Variants in EPHA10 observed in about 807,000 individuals in gnomAD.
EPHA10 encodes the protein EPH receptor A10, also known as ephrin type-A receptor 10.
EPHA10 carries 120 observed loss-of-function variants against 109.7 expected under a neutral mutation model. The observed-to-expected ratio is 1.09, with a 90% CI of 0.94 to 1.27. The LOEUF is 1.27. Ranked by LOEUF, EPHA10 falls within the 50% of genes most tolerant of loss-of-function variation. The pLI is 0.00. For missense variants in EPHA10, 1,396 were observed against 1,411.1 expected, an observed-to-expected ratio of 0.99 and a Z score of 0.17; for synonymous variants, 640 against 618.9, an observed-to-expected ratio of 1.03 and a Z score of -0.51.
chr1:37,742,724 GCCT>G (rs1447655795), intron 5 of EPHA10, among the ~76,000 whole-genome samples: 6 of 68,524 alleles, frequency 8.8e-5, no homozygotes, highest in African/African-American at 8.9e-5. Flanking sequence ...TGTGGCTCAT[GCCT>G]ATAATCCCAG....
intron 5 of EPHA10, among the ~76,000 whole-genome samples, chr1:37,740,581 G>A (rs919079615): frequency 3.3e-5 from 5 of 152,046 alleles, no homozygotes; most frequent in Admixed American, 1.3e-4. Context: ...CTGGGATTAC[G>A]GGCGTGAGCC....
intron 6 of EPHA10, among the ~76,000 whole-genome samples, chr1:37,732,193 C>A (rs1645994714): frequency 6.6e-6 from 1 of 152,186 alleles, no homozygotes; most frequent in Non-Finnish European, 1.5e-5. Flanking sequence ...CTGCATGAGA[C>A]CCTTTGCCTC....
chr1:37,754,236 G>A lies in EPHA10; in HGVS notation c.985C>T (p.Pro329Ser), dbSNP rs1327780610. The change falls in exon 4 of 17, where the codon CCG becomes TCG. Residue 329 changes from proline (P) to serine (S), a missense_variant. Physicochemically the swap from Pro to Ser is moderately conservative, Grantham distance 74. Transcript: ENST00000373048. The surrounding 1 kb of genome is among the most constrained non-coding windows in gnomAD (Gnocchi z 4.5). Reference protein sequence around the residue: ...QDSYARSPTDPPSASCTRPPS... With the variant: ...QDSYARSPTDSPSASCTRPPS... ...TCACGGGTGCAGGAAGCCGAGGGCGGGTCGGTGGGTGAGCGCGCATAGCTG... is the reference window on the plus strand; with the variant it reads ...TCACGGGTGCAGGAAGCCGAGGGCGAGTCGGTGGGTGAGCGCGCATAGCTG... The A allele has an allele frequency of 7.6e-7, 1 of 1,313,436 alleles. No homozygotes were observed. Among genetic ancestry groups the A allele is most frequent in the Non-Finnish European group, 9.8e-7 (1 of 1,025,176 alleles). The allele number at this position is 1,313,436 out of a possible 1,614,324, so 81.4% of individuals were successfully genotyped here. A position where few individuals can be genotyped will look rare whatever the true frequency, so the allele number is the denominator to read the frequency against.
rs55656984 is a variant in EPHA10 at position 37,748,918 on chromosome 1, C to CTTTTTT, written c.1357+3952_1357+3957dup. Among the ~76,000 whole-genome samples the CTTTTTT allele has an allele frequency of 1.0e-4, 10 of 95,298 alleles. 1 individual carries two copies. Among genetic ancestry groups the CTTTTTT allele is most frequent in the African/African-American group, 1.2e-4 (3 of 24,198 alleles). The allele number at this position is 95,298 out of a possible 152,430, so 62.5% of individuals were successfully genotyped here. A position where few individuals can be genotyped will look rare whatever the true frequency, so the allele number is the denominator to read the frequency against. ...TAAGATGAGTTTCCTTTCTTTTCAT[C>CTTTTTT]TTTTTTTTTTTTTTTTTTTTTTGAG... On this transcript the variant is annotated intron_variant, in intron 5 of 16. Coordinates refer to ENST00000373048, the MANE Select transcript of EPHA10 (RefSeq NM_001099439.2).
rs555726339 is a variant in EPHA10, at chr1:37,761,910, G to A, written c.345C>T (p.Ile115=). 41 of 1,612,624 alleles carry A rather than the reference G, an allele frequency of 2.5e-5. No individual in the cohort carries two copies. In the South Asian group the frequency reaches 4.2e-4, roughly 16 times the overall value. The stretch of plus-strand genomic sequence containing the variant: ...CCTTGCAGGTACCCGCGGCGCCAGG[G>A]ATGCTGCTGCAGTCACGGAGTGTGA... ...LQFTLRDCSS[I]PGAAGTCKET... Residue 115 remains isoleucine, a synonymous_variant, in exon 3 of 17, where the codon ATC becomes ATT. Transcript: ENST00000373048.
chr1:37,731,384 C>T (rs750695298), intron 7 of EPHA10, 27 bp downstream of exon 7: 2 of 1,562,556 alleles, frequency 1.3e-6, no homozygotes, highest in African/African-American at 1.4e-5. Flanking sequence ...CTGTCTAGGT[C>T]CCTGTCCACT....
chr1:37,714,970 G>C (rs1267217662), downstream of EPHA10: 2 of 152,250 alleles, frequency 1.3e-5, no homozygotes, highest in African/African-American at 2.4e-5. Context: ...TACACTCACT[G>C]ATAATAGCCC....
At chr1:37,726,895 A>T (rs1265221243) in intron 8 of EPHA10, among the ~76,000 whole-genome samples, 1 of 152,254 alleles carries the variant, frequency 6.6e-6, no homozygotes, top group African/African-American at 2.4e-5. Flanking sequence ...ATCCCAGAGC[A>T]GCTGAGCTAG....
chr1:37,749,876 G>A (rs1035181532), intron 5 of EPHA10, among the ~76,000 whole-genome samples: 2 of 152,132 alleles, frequency 1.3e-5, no homozygotes, highest in African/African-American at 4.8e-5. Flanking sequence ...GTACAGCCTG[G>A]GTGACAGCAT....
At position 37,720,025 on chromosome 1, in the gene EPHA10, C is replaced by T. The variant is rs192256218; in HGVS notation, c.2446G>A (p.Glu816Lys). 3.1e-6 allele frequency: 5 copies of T among 1,613,654 alleles called. No homozygotes were observed. Among genetic ancestry groups the T allele is most frequent in the African/African-American group, 1.3e-5 (1 of 75,010 alleles). Residue 816 changes from glutamate to lysine, a missense_variant, in exon 14 of 17, where the codon GAG (glutamate) becomes AAG (lysine). Transcript: ENST00000373048. ...CTGAAGTGGCCAAACTGAAGTGTCT[C>T]GGGAGCGGCCCATAGCGCTGGGCTC... ...GRSPALWAAP[E>K]TLQFGHFSSA...
intron 5 of EPHA10, among the ~76,000 whole-genome samples, chr1:37,737,346 C>T (rs1415187029): frequency 2.0e-5 from 3 of 152,100 alleles, no homozygotes; most frequent in Non-Finnish European, 4.4e-5. Flanking sequence ...AGGTAGAGTC[C>T]TCACACTTCC....
intron 3 of EPHA10, among the ~76,000 whole-genome samples, chr1:37,757,097 G>A (rs1398400936): frequency 6.6e-6 from 1 of 152,134 alleles, no homozygotes; most frequent in East Asian, 1.9e-4. Context: ...AAATTGCTGG[G>A]ATTACAGGTG....
chr1:37,739,421 T>A (rs1646119876), intron 5 of EPHA10, among the ~76,000 whole-genome samples: 1 of 152,138 alleles, frequency 6.6e-6, no homozygotes, highest in Non-Finnish European at 1.5e-5. Context: ...TCTCAGTGAC[T>A]CACACCTGTA....
chr1:37,719,003 G>A (rs1645739744), intron 15 of EPHA10, 187 bp from the exon 16 acceptor site: 4 of 756,078 alleles, frequency 5.3e-6, no homozygotes, highest in Non-Finnish European at 8.5e-6. Context: ...TCTTCAGGCA[G>A]GTGGAGGCAG....
rs866947489 is a variant in EPHA10 at position 37,721,759 on chromosome 1, C to T, written c.2047G>A (p.Ala683Thr). ...AAGCCGAGCCTCTGTGAGTCGGAGG[C>T]GCTGTCCCTCAGCATATGCACGGCT... ...LVAVHMLRDS[A>T]SDSQRLGFLA... Residue 683 changes from alanine to threonine, a missense_variant, in exon 11 of 17, where the codon GCC (alanine) becomes ACC (threonine). Physicochemically the swap from Ala to Thr is moderately conservative, Grantham distance 58. Coordinates refer to ENST00000373048, the MANE Select transcript of EPHA10 (RefSeq NM_001099439.2). 1.7e-5 allele frequency: 27 copies of T among 1,612,482 alleles called. No homozygotes were observed. The Middle Eastern group carries it at 5.0e-4, about 30-fold the overall frequency.
At chr1:37,757,445 A>G (rs187084935) in intron 3 of EPHA10, among the ~76,000 whole-genome samples, 3 of 152,166 alleles carry the variant, frequency 2.0e-5, no homozygotes, top group South Asian at 4.2e-4. Context: ...TGGTACACTG[A>G]GCTCATCCTT....
intron 7 of EPHA10, among the ~76,000 whole-genome samples, chr1:37,728,807 C>T (rs953986312): frequency 1.3e-5 from 2 of 151,920 alleles, no homozygotes; most frequent in African/African-American, 4.8e-5. Flanking sequence ...GCCCAGGGTT[C>T]CAGAGGCAAA....
downstream of EPHA10, among the ~76,000 whole-genome samples, chr1:37,714,473 C>A (rs1645663890): frequency 6.6e-6 from 1 of 152,198 alleles, no homozygotes; most frequent in Non-Finnish European, 1.5e-5. Context: ...CTGGACTCCT[C>A]AAAGATTCCC....
intron 6 of EPHA10, among the ~76,000 whole-genome samples, chr1:37,733,090 G>A (rs931334627): frequency 3.3e-5 from 5 of 150,516 alleles, no homozygotes; most frequent in South Asian, 2.1e-4. Flanking sequence ...ACTGGGTTTC[G>A]CCATGTTAGC....
Sources: allele counts gnomAD v4.1 joint callset (sites outside exome capture counted in the v4.1 genomes callset), GRCh38; gene constraint gnomAD v4.1.1; non-coding constraint Gnocchi (gnomAD v3.1); transcripts MANE v1.5; gene names NCBI Gene and HGNC (gene_info 2026-07-23, HGNC 2026-07-21).